The following OSBPL2 variants were observed in gnomAD, a reference collection of about 807,000 sequenced individuals.
OSBPL2 encodes the protein oxysterol-binding protein-related protein 2.
A neutral mutation model predicts 58.4 loss-of-function variants in OSBPL2; 18 were observed. The observed-to-expected ratio is 0.31, with a 90% CI of 0.21 to 0.46. The LOEUF (loss-of-function observed/expected upper bound fraction) is 0.46. Ranked by LOEUF, OSBPL2 falls within the 20% of genes least tolerant of loss-of-function variation. The pLI, the probability that OSBPL2 is intolerant of heterozygous loss-of-function variation, is 1.00. For synonymous variants in OSBPL2, 221 were observed against 234.1 expected, an observed-to-expected ratio of 0.94 and a Z score of 0.51; for missense variants, 461 against 616.5, an observed-to-expected ratio of 0.75 and a Z score of 2.67.
At chr20:62,260,183 T>C in intron 3 of OSBPL2, 58 bp downstream of exon 3, 15 of 1,539,742 alleles carry the variant, frequency 9.7e-6, no homozygotes, top group Non-Finnish European at 1.3e-5. Context: ...CCAAAAATAC[T>C]CTGCAGGGTA....
At chr20:62,276,153 G>A (rs1982374946) in intron 6 of OSBPL2, among the ~76,000 whole-genome samples, 1 of 152,196 alleles carries the variant, frequency 6.6e-6, no homozygotes, top group Non-Finnish European at 1.5e-5. Flanking sequence ...CCAACCTCAG[G>A]TGATCTGCCC....
At chr20:62,280,452 C>T (rs1365230228) in intron 7 of OSBPL2, among the ~76,000 whole-genome samples, 1 of 152,242 alleles carries the variant, frequency 6.6e-6, no homozygotes, top group African/African-American at 2.4e-5. Flanking sequence ...GTTTGGGTTC[C>T]ACCCCCAGGA....
At chr20:62,268,087 C>G (rs4925364) in intron 4 of OSBPL2, among the ~76,000 whole-genome samples, 1 of 132,472 alleles carries the variant, frequency 7.5e-6, no homozygotes, top group Non-Finnish European at 1.6e-5. Context: ...TTAGTAGATA[C>G]GGGGTTTCAC....
chr20:62,277,229 G>A (rs763645507), intron 6 of OSBPL2, among the ~76,000 whole-genome samples: 5 of 152,184 alleles, frequency 3.3e-5, no homozygotes, highest in Admixed American at 6.5e-5. Context: ...CAGCCTGGGC[G>A]ACAGAGATTT....
At chr20:62,261,522 C>A (rs1981306663) in intron 3 of OSBPL2, among the ~76,000 whole-genome samples, 1 of 152,110 alleles carries the variant, frequency 6.6e-6, no homozygotes, top group South Asian at 2.1e-4. Context: ...ACTCTGGCAC[C>A]CACATGTGCA....
At chr20:62,279,876 GCACACTCCCCC>G (rs1380232139) in intron 7 of OSBPL2, 1 of 1,124,572 alleles carries the variant, frequency 8.9e-7, no homozygotes, top group African/African-American at 1.6e-5. Context: ...GTGGCCCTTT[GCACACTCCCCC>G]ACCCTGTGCT....
chr20:62,294,796 A>C lies in OSBPL2; in HGVS notation c.*909A>C, dbSNP rs1047656606. The C allele has an allele frequency of 6.6e-6, 1 of 152,270 alleles. No individual in the cohort carries two copies. The highest frequency in any genetic ancestry group is 2.4e-5 in the African/African-American group (1 of 41,458). The allele number at this position is 152,270 out of a possible 1,614,324, so 9.4% of individuals were successfully genotyped here. ...TTTTCCCAGTATGCATGTTTAAAAT[A>C]GAAGTGACAAGAATCACATCCGGTT... On this transcript the variant is annotated 3_prime_UTR_variant, in exon 14 of 14. Coordinates refer to ENST00000313733, the MANE Select transcript of OSBPL2 (RefSeq NM_144498.4).
chr20:62,275,563 T>C (rs1324545085), intron 6 of OSBPL2, among the ~76,000 whole-genome samples: 3 of 152,168 alleles, frequency 2.0e-5, no homozygotes, highest in Non-Finnish European at 2.9e-5. Context: ...TCTTCCCACC[T>C]CAGCCTCCCA....
chr20:62,260,194 C>T (rs1222178927), intron 3 of OSBPL2, 69 bp downstream of exon 3: 1 of 1,462,778 alleles, frequency 6.8e-7, no homozygotes, highest in Non-Finnish European at 9.4e-7. Flanking sequence ...CTGCAGGGTA[C>T]CCCTCAGCCC....
intron 3 of OSBPL2, among the ~76,000 whole-genome samples, chr20:62,262,989 A>G (rs1313869215): frequency 6.6e-6 from 1 of 152,100 alleles, no homozygotes; most frequent in African/African-American, 2.4e-5. Context: ...CTCCCCTCCT[A>G]GATGGAGACA....
intron 7 of OSBPL2, chr20:62,280,116 CTGAGACG>C: frequency 7.7e-7 from 1 of 1,303,760 alleles, no homozygotes; most frequent in Middle Eastern, 2.1e-4. Context: ...GCCACCAGTT[CTGAGACG>C]TGAGTCTTGC....
In OSBPL2 at chr20:62,286,690, C is replaced by G. The variant is rs145498498; in HGVS notation, c.1104C>G (p.Thr368=). The G allele has an allele frequency of 2.5e-6, 4 of 1,613,016 alleles. No individual in the cohort carries two copies. The highest frequency in any genetic ancestry group is 3.4e-6 in the Non-Finnish European group (4 of 1,179,548). ...GCAAGCTGCTCTGGAGGATCAACACCCGGCCCCCCAACTCTGCCCAGGTCT... is the reference window on the plus strand; with the variant it reads ...GCAAGCTGCTCTGGAGGATCAACACGCGGCCCCCCAACTCTGCCCAGGTCT... The part of the protein sequence containing the change: ...PGSKLLWRIN[T]RPPNSAQMYN... The change falls in exon 11 of 14, where the codon ACC becomes ACG. Residue 368 remains threonine (T), a synonymous_variant. Transcript: ENST00000313733.
intron 1 of OSBPL2, among the ~76,000 whole-genome samples, chr20:62,248,003 T>C (rs6089338): frequency 0.4 from 61,297 of 151,844 alleles, 13,311 homozygotes; most frequent in East Asian, 0.52. Context: ...TCGTTGTTAA[T>C]AGTGGGAACG....
rs1433909938 is a variant in OSBPL2, at chr20:62,269,239, A to G, written c.259-2886A>G. Reference sequence around the variant, plus strand: ...TTTTAATGGCGCGGCGCTCCCTCACATGGCTGCCACCTAGCTTATTGGACT... The same window carrying G: ...TTTTAATGGCGCGGCGCTCCCTCACGTGGCTGCCACCTAGCTTATTGGACT... On this transcript the variant is annotated intron_variant, in intron 4 of 13. Transcript: ENST00000313733. The surrounding 1 kb of genome is among the most constrained non-coding windows in gnomAD (Gnocchi z 4.2). Among the ~76,000 whole-genome samples, 1 of 152,052 alleles carries G rather than the reference A, an allele frequency of 6.6e-6. No homozygotes were observed. The highest frequency in any genetic ancestry group is 2.4e-5 in the African/African-American group (1 of 41,382).
At chr20:62,282,846 T>C (rs1009822683) in intron 9 of OSBPL2, among the ~76,000 whole-genome samples, 6 of 152,190 alleles carry the variant, frequency 3.9e-5, no homozygotes, top group Non-Finnish European at 7.3e-5. Flanking sequence ...AGACAGTTGG[T>C]GTTTCTGCTC....
At chr20:62,286,550 C>A in intron 10 of OSBPL2, 33 bp from the exon 11 acceptor site, 2 of 1,590,430 alleles carry the variant, frequency 1.3e-6, no homozygotes, top group South Asian at 2.2e-5. Flanking sequence ...GGCCTGGCCC[C>A]GGGCAGCCAC....
intron 3 of OSBPL2, among the ~76,000 whole-genome samples, chr20:62,263,119 T>C (rs1393174118): frequency 6.6e-6 from 1 of 152,190 alleles, no homozygotes; most frequent in Non-Finnish European, 1.5e-5. Flanking sequence ...CATGAGGGCA[T>C]GGGCTCCGCC....
chr20:62,270,080 C>T (rs75993651), intron 4 of OSBPL2, among the ~76,000 whole-genome samples: 1,748 of 152,318 alleles, frequency 0.011, 28 homozygotes, highest in African/African-American at 0.04. Flanking sequence ...ACCTCGCGGC[C>T]CAGGCAGAGC....
chr20:62,246,736 A>G (rs1980143755), intron 1 of OSBPL2, among the ~76,000 whole-genome samples: 1 of 152,096 alleles, frequency 6.6e-6, no homozygotes, highest in Admixed American at 6.5e-5. Flanking sequence ...CCTCAGTGCC[A>G]CACGGAGGTG....
Sources: gnomAD v4.1 joint callset for allele counts (sites outside exome capture counted in the v4.1 genomes callset) on GRCh38, gnomAD v4.1.1 for gene constraint, Gnocchi (gnomAD v3.1) non-coding constraint, MANE v1.5 for transcripts, NCBI Gene and HGNC (gene_info 2026-07-23, HGNC 2026-07-21) for gene names.